RGPD2: variants seen among roughly 807,000 people sequenced by gnomAD.
RGPD2 encodes RANBP2-like and GRIP domain-containing protein 2.
A neutral mutation model predicts 36.0 loss-of-function variants in RGPD2; 2 were observed. The observed-to-expected ratio is 0.06, with a 90% CI of 0.02 to 0.17. The LOEUF is 0.17. Ranked by LOEUF, RGPD2 falls within the 10% of genes least tolerant of loss-of-function variation. The probability of loss-of-function intolerance (pLI) is 1.00; values close to 1 mark genes in which losing one functional copy is unlikely to be tolerated. For missense variants in RGPD2, 40 were observed against 464.3 expected, an observed-to-expected ratio of 0.09 and a Z score of 8.40; for synonymous variants, 19 against 163.8, an observed-to-expected ratio of 0.12 and a Z score of 6.75.
Position 87,825,792 on chromosome 2 carries a change from A to G in RGPD2, c.-63T>C, listed in dbSNP as rs1432291996. The G allele has an allele frequency of 1.2e-5, 18 of 1,499,162 alleles. No homozygotes were observed. Among genetic ancestry groups the G allele is most frequent in the African/African-American group, 5.7e-5 (4 of 70,776 alleles). The allele number at this position is 1,499,162 out of a possible 1,614,324, so 92.9% of individuals were successfully genotyped here. Reference sequence around the variant, plus strand: ...GCGCTCAGCCCCGCAGCAGTCGCCAATTCCAACAGGAAAGCGCCTGAAAGC... The same window carrying G: ...GCGCTCAGCCCCGCAGCAGTCGCCAGTTCCAACAGGAAAGCGCCTGAAAGC... On this transcript the variant is annotated 5_prime_UTR_variant, in exon 1 of 23. Transcript: ENST00000398146.
chr2:87,873,036 G>A, the RGPD2 span, among the ~76,000 whole-genome samples: 1 of 152,272 alleles, frequency 6.6e-6, no homozygotes, highest in Non-Finnish European at 1.5e-5. Flanking sequence ...AGGATTACAG[G>A]CATGAGCCAC....
the RGPD2 span, among the ~76,000 whole-genome samples, chr2:87,952,012 C>T: frequency 2.0e-5 from 3 of 152,164 alleles, no homozygotes; most frequent in African/African-American, 4.8e-5. Flanking sequence ...TATACATCTG[C>T]TTCCACCTGT....
the RGPD2 span, among the ~76,000 whole-genome samples, chr2:87,908,997 G>GT: frequency 2.1e-5 from 3 of 144,444 alleles, no homozygotes; most frequent in Admixed American, 7.0e-5. Flanking sequence ...TCTTTGTTTT[G>GT]TTTTTTTAAA....
At chr2:87,985,687 A>G in the RGPD2 span, 2 of 1,464,526 alleles carry the variant, frequency 1.4e-6, no homozygotes, top group South Asian at 2.3e-5. Flanking sequence ...CCATTACATT[A>G]ACAGAATAAC....
At chr2:87,923,034 G>A in the RGPD2 span, among the ~76,000 whole-genome samples, 6 of 150,822 alleles carry the variant, frequency 4.0e-5, no homozygotes, top group African/African-American at 1.5e-4. Flanking sequence ...ATTATATTAG[G>A]ATTTTGTTAA....
the RGPD2 span, chr2:87,972,754 C>T: frequency 6.2e-7 from 1 of 1,611,252 alleles, no homozygotes; most frequent in Non-Finnish European, 8.5e-7. Flanking sequence ...GAGTGAACAA[C>T]CAGCCCTACC....
chr2:87,942,420 A>G, the RGPD2 span, among the ~76,000 whole-genome samples: 8 of 141,828 alleles, frequency 5.6e-5, no homozygotes, highest in Non-Finnish European at 1.0e-4. Flanking sequence ...TGCCATTTTA[A>G]TTGAAAAGAT....
the RGPD2 span, among the ~76,000 whole-genome samples, chr2:87,866,369 C>T: frequency 6.6e-6 from 1 of 152,108 alleles, no homozygotes; most frequent in African/African-American, 2.4e-5. Flanking sequence ...CATTTGAAGT[C>T]AGTAACAAAT....
At chr2:87,887,197 A>G in the RGPD2 span, among the ~76,000 whole-genome samples, 1 of 152,030 alleles carries the variant, frequency 6.6e-6, no homozygotes, top group Admixed American at 6.6e-5. Flanking sequence ...TCAGACACTG[A>G]AAATATCTGT....
chr2:87,962,068 T>G, the RGPD2 span, among the ~76,000 whole-genome samples: 18 of 143,550 alleles, frequency 1.3e-4, no homozygotes, highest in Non-Finnish European at 2.3e-4. Flanking sequence ...GCCCCCCAAA[T>G]CTATATATAT....
chr2:87,937,547 AG>A, the RGPD2 span, among the ~76,000 whole-genome samples: 2 of 151,744 alleles, frequency 1.3e-5, no homozygotes, highest in South Asian at 4.2e-4. Flanking sequence ...AAAAAGAGCA[AG>A]AGAGAGATGG....
the RGPD2 span, among the ~76,000 whole-genome samples, chr2:87,884,093 G>A: frequency 6.6e-6 from 1 of 152,062 alleles, no homozygotes; most frequent in Non-Finnish European, 1.5e-5. Flanking sequence ...ATCATATCAA[G>A]TATCATTTTC....
the RGPD2 span, among the ~76,000 whole-genome samples, chr2:87,874,091 A>T: frequency 6.7e-6 from 1 of 148,364 alleles, no homozygotes; most frequent in African/African-American, 2.5e-5. Flanking sequence ...AATTTATTTA[A>T]GTTTCCCCTA....
chr2:87,824,809 CGCCCGGCCAGGCCGAG>C (rs1291530937), intron 1 of RGPD2: 1 of 121,630 alleles, frequency 8.2e-6, no homozygotes, highest in African/African-American at 3.1e-5. Flanking sequence ...CCGCCGCCGC[CGCCCGGCCAGGCCGAG>C]GCCGCCGCCG....
At chr2:87,915,529 CATAT>C in the RGPD2 span, among the ~76,000 whole-genome samples, 1 of 135,346 alleles carries the variant, frequency 7.4e-6, no homozygotes, top group Non-Finnish European at 1.6e-5. Flanking sequence ...TGTATATATA[CATAT>C]ATACACATAT....
the RGPD2 span, among the ~76,000 whole-genome samples, chr2:87,886,243 T>A: frequency 6.6e-6 from 1 of 151,836 alleles, no homozygotes; most frequent in Admixed American, 6.6e-5. Flanking sequence ...GATATCCTCA[T>A]GACTTTCCTC....
chr2:87,831,717 C>A, the RGPD2 span, among the ~76,000 whole-genome samples: 315 of 149,900 alleles, frequency 2.1e-3, no homozygotes, highest in African/African-American at 7.3e-3. Flanking sequence ...ACCTACCAAC[C>A]TATGATAGTA....
the RGPD2 span, among the ~76,000 whole-genome samples, chr2:87,844,607 T>C: frequency 6.6e-6 from 1 of 151,664 alleles, no homozygotes; most frequent in Non-Finnish European, 1.5e-5. Context: ...TAAAGGTGAA[T>C]TAATGTCATG....
At chr2:87,930,822 A>G in the RGPD2 span, among the ~76,000 whole-genome samples, 4 of 122,320 alleles carry the variant, frequency 3.3e-5, no homozygotes, top group Admixed American at 2.5e-4. Context: ...GAATTTATCC[A>G]TTTCTTCCAG....
Sources: gnomAD v4.1 joint callset for allele counts (sites outside exome capture counted in the v4.1 genomes callset) on GRCh38, gnomAD v4.1.1 for gene constraint, MANE v1.5 for transcripts, NCBI Gene and HGNC (gene_info 2026-07-23, HGNC 2026-07-21) for gene names.